Variants in ADSS2 observed in about 807,000 individuals in gnomAD.
ADSS2 encodes adenylosuccinate synthase 2, also known as adenylosuccinate synthetase isozyme 2.
In ADSS2, 30 loss-of-function variants were observed where a neutral mutation model predicts 60.0. The ratio of observed to expected loss-of-function variants is 0.50; its 90% CI spans 0.37 to 0.68. ADSS2 has a LOEUF of 0.68. Ranked by LOEUF, ADSS2 falls within the 30% of genes least tolerant of loss-of-function variation. The pLI, the probability that ADSS2 is intolerant of heterozygous loss-of-function variation, is 0.00. For missense variants in ADSS2, 373 were observed against 554.8 expected (o/e 0.67, Z 3.29); for synonymous variants, 187 against 193.1 (o/e 0.97, Z 0.26).
intron 1 of ADSS2, among the ~76,000 whole-genome samples, chr1:244,442,135 A>C (rs1665263430): frequency 6.6e-6 from 1 of 152,170 alleles, no homozygotes; most frequent in Non-Finnish European, 1.5e-5. Context: ...CTGGTAGTGA[A>C]TGACAATGTT....
At chr1:244,422,759 C>T (rs1664705178) in intron 7 of ADSS2, 76 bp downstream of exon 7, 2 of 1,102,250 alleles carry the variant, frequency 1.8e-6, no homozygotes, top group East Asian at 4.8e-5. Context: ...CCAAAGCCTG[C>T]ATGAATGAAA....
intron 7 of ADSS2, 135 bp downstream of exon 7, chr1:244,422,700 C>T (rs1664704444): frequency 3.1e-6 from 2 of 645,540 alleles, no homozygotes; most frequent in South Asian, 4.1e-5. Context: ...TGTAAAGTCA[C>T]TCAAACATAC....
At chr1:244,441,232 G>A (rs530990626) in intron 1 of ADSS2, among the ~76,000 whole-genome samples, 1 of 151,902 alleles carries the variant, frequency 6.6e-6, no homozygotes, top group Non-Finnish European at 1.5e-5. Flanking sequence ...CTAATTTTTT[G>A]TATTTTTAGT....
chr1:244,437,105 G>A (rs139763647), intron 2 of ADSS2, among the ~76,000 whole-genome samples: 1 of 152,250 alleles, frequency 6.6e-6, no homozygotes, highest in East Asian at 1.9e-4. Context: ...AAAACAAAGT[G>A]AAATATGATT....
intron 1 of ADSS2, among the ~76,000 whole-genome samples, chr1:244,444,942 T>G (rs1665348667): frequency 6.6e-6 from 1 of 152,124 alleles, no homozygotes; most frequent in African/African-American, 2.4e-5. Context: ...CCCCCTCCTT[T>G]TCCCCTACTT....
chr1:244,431,706 G>A (rs1215431642), intron 4 of ADSS2, among the ~76,000 whole-genome samples: 1 of 152,184 alleles, frequency 6.6e-6, no homozygotes, highest in Non-Finnish European at 1.5e-5. Flanking sequence ...ATGTAATGAA[G>A]AGGCCAGTTT....
In ADSS2 at chr1:244,451,830, G is replaced by C; in HGVS notation, c.-13C>G. The C allele has an allele frequency of 6.4e-7, 1 of 1,569,100 alleles. No individual in the cohort carries two copies. Among genetic ancestry groups the C allele is most frequent in the Non-Finnish European group, 8.6e-7 (1 of 1,160,456 alleles). On this transcript the variant is annotated 5_prime_UTR_variant, in exon 1 of 13. Transcript: ENST00000366535. The surrounding 1 kb of genome is among the most constrained non-coding windows in gnomAD (Gnocchi z 6.6). Reference sequence around the variant, plus strand: ...CGGCGAACGCCATGGCTCCAGTGACGCGAGGAGAGCCCGAAGGAGAGGCGG... The same window carrying C: ...CGGCGAACGCCATGGCTCCAGTGACCCGAGGAGAGCCCGAAGGAGAGGCGG...
intron 1 of ADSS2, among the ~76,000 whole-genome samples, chr1:244,444,062 G>A (rs1476290244): frequency 6.6e-6 from 1 of 152,100 alleles, no homozygotes. Flanking sequence ...AGCTTATAAT[G>A]CCTTATATGA....
At chr1:244,450,144 A>C (rs1187637972) in intron 1 of ADSS2, among the ~76,000 whole-genome samples, 1 of 152,220 alleles carries the variant, frequency 6.6e-6, no homozygotes, top group Non-Finnish European at 1.5e-5. Flanking sequence ...CGGTATTCGG[A>C]TACGTCTTCC....
At chr1:244,421,160 GTAGA>G (rs1664668049) in intron 7 of ADSS2, among the ~76,000 whole-genome samples, 1 of 151,910 alleles carries the variant, frequency 6.6e-6, no homozygotes, top group Non-Finnish European at 1.5e-5. Context: ...ACTATTACTA[GTAGA>G]TAATGTCCAA....
chr1:244,413,154 G>A (rs139416447), intron 11 of ADSS2, among the ~76,000 whole-genome samples: 1 of 152,326 alleles, frequency 6.6e-6, no homozygotes, highest in East Asian at 1.9e-4. Context: ...GCAGCAGGTG[G>A]TAGAACAAAG....
intron 4 of ADSS2, among the ~76,000 whole-genome samples, chr1:244,431,788 T>C (rs1664951262): frequency 6.6e-6 from 1 of 152,232 alleles, no homozygotes; most frequent in African/African-American, 2.4e-5. Flanking sequence ...ACTAAGATTA[T>C]ACATAGGATT....
intron 11 of ADSS2, 38 bp from the exon 12 acceptor site, chr1:244,411,474 T>A (rs1252985821): frequency 6.4e-7 from 1 of 1,574,662 alleles, no homozygotes; most frequent in Admixed American, 2.0e-5. Context: ...TGGCACACAC[T>A]GTTTACTGTC....
At chr1:244,430,628 C>T (rs1224833489) in intron 4 of ADSS2, among the ~76,000 whole-genome samples, 1 of 152,040 alleles carries the variant, frequency 6.6e-6, no homozygotes, top group East Asian at 1.9e-4. Flanking sequence ...TAATGCAGCG[C>T]CTTGCTTTAT....
At chr1:244,419,656 GA>G (rs1664632532) in intron 8 of ADSS2, among the ~76,000 whole-genome samples, 1 of 152,152 alleles carries the variant, frequency 6.6e-6, no homozygotes, top group Admixed American at 6.5e-5. Flanking sequence ...ATGTTTAAAT[GA>G]AACGGTCAAC....
chr1:244,424,295 C>T (rs766917351), intron 5 of ADSS2, 26 bp downstream of exon 5: 6 of 1,607,202 alleles, frequency 3.7e-6, no homozygotes, highest in Non-Finnish European at 5.1e-6. Context: ...TTAAACTGTA[C>T]CAAAAAAACA....
chr1:244,414,609 C>T (rs1664488763), intron 11 of ADSS2, among the ~76,000 whole-genome samples: 1 of 152,168 alleles, frequency 6.6e-6, no homozygotes, highest in African/African-American at 2.4e-5. Flanking sequence ...TAATTTACTC[C>T]ACTAACCTTC....
chr1:244,442,692 G>T (rs187800050), intron 1 of ADSS2, among the ~76,000 whole-genome samples: 29 of 152,274 alleles, frequency 1.9e-4, no homozygotes, highest in Middle Eastern at 3.4e-3. Context: ...AGAAAGAGCT[G>T]CTCATAAGGA....
Position 244,428,859 on chromosome 1 carries a change from A to G in ADSS2, c.406+3686T>C, listed in dbSNP as rs548243896. On this transcript the variant is annotated intron_variant, in intron 4 of 12. Coordinates refer to ENST00000366535, the MANE Select transcript of ADSS2 (RefSeq NM_001126.5). ...GAAACAGAAAAATCTGAATATCCCG[A>G]TATCTATTAAAGAAATAAAATTCAT... 2.6e-5 allele frequency among the ~76,000 whole-genome samples: 4 copies of G among 152,276 alleles called. No homozygotes were observed. The South Asian group carries it at 8.3e-4, about 32-fold the overall frequency.
Sources: allele counts gnomAD v4.1 joint callset (sites outside exome capture counted in the v4.1 genomes callset), GRCh38; gene constraint gnomAD v4.1.1; non-coding constraint Gnocchi (gnomAD v3.1); transcripts MANE v1.5; gene names NCBI Gene and HGNC (gene_info 2026-07-23, HGNC 2026-07-21).